Variants in LRP6 observed in about 807,000 individuals in gnomAD.
LRP6 encodes LDL receptor related protein 6, also known as low-density lipoprotein receptor-related protein 6.
Under a neutral mutation model 184.1 loss-of-function variants are expected in LRP6, and 43 were observed. The ratio of observed to expected loss-of-function variants is 0.23; its 90% CI spans 0.18 to 0.30. The LOEUF (loss-of-function observed/expected upper bound fraction) is 0.30, where lower values mean the gene tolerates loss of function less well. Among genes scored for constraint, LRP6 ranks in the 10% least tolerant of loss-of-function variants. LRP6 has a pLI of 1.00. For synonymous variants in LRP6, 719 were observed against 684.9 expected, an observed-to-expected ratio of 1.05 and a Z score of -0.78; for missense variants, 1,571 against 2,005.3, an observed-to-expected ratio of 0.78 and a Z score of 4.14.
chr12:12,202,650 C>T (rs937078472), intron 3 of LRP6, among the ~76,000 whole-genome samples: 3 of 152,152 alleles, frequency 2.0e-5, no homozygotes, highest in Non-Finnish European at 1.5e-5. Flanking sequence ...GTAGTTGAAC[C>T]GGAGATCATA....
chr12:12,248,101 C>T (rs996447104), intron 1 of LRP6, among the ~76,000 whole-genome samples: 3 of 152,162 alleles, frequency 2.0e-5, no homozygotes, highest in Non-Finnish European at 2.9e-5. Flanking sequence ...CACCCATCTT[C>T]CCTTACCTTG....
intron 2 of LRP6, 52 bp downstream of exon 2, chr12:12,244,210 A>T: frequency 6.3e-7 from 1 of 1,594,850 alleles, no homozygotes. Context: ...ATGTCAGTGG[A>T]GAAAAACCGA....
At chr12:12,215,810 G>A (rs1283128903) in intron 2 of LRP6, among the ~76,000 whole-genome samples, 2 of 151,470 alleles carry the variant, frequency 1.3e-5, no homozygotes, top group African/African-American at 2.4e-5. Flanking sequence ...TCAGGAGTTC[G>A]AGACCAGCCT....
intron 2 of LRP6, among the ~76,000 whole-genome samples, chr12:12,218,476 C>CGAT (rs931422065): frequency 1.4e-5 from 2 of 140,020 alleles, no homozygotes; most frequent in African/African-American, 5.4e-5. Flanking sequence ...GACCCTCTCT[C>CGAT]AATAATAATA....
chr12:12,229,403 T>G (rs997747218), intron 2 of LRP6, among the ~76,000 whole-genome samples: 8 of 146,014 alleles, frequency 5.5e-5, no homozygotes, highest in East Asian at 2.0e-4. Context: ...AGAAGAAGAA[T>G]ATCTCACACT....
chr12:12,233,184 TTGTC>T (rs1173707077), intron 2 of LRP6, among the ~76,000 whole-genome samples: 1 of 151,902 alleles, frequency 6.6e-6, no homozygotes, highest in South Asian at 2.1e-4. Context: ...GAAAAAAAAA[TTGTC>T]TGGGCGCGGT....
chr12:12,206,484 A>C lies in LRP6; in HGVS notation c.450-3084T>G, dbSNP rs1357909260. Among the ~76,000 whole-genome samples the C allele has an allele frequency of 8.0e-5, 12 of 150,744 alleles. No homozygotes were observed. In the Admixed American group the frequency reaches 8.0e-4, roughly 10 times the overall value. On this transcript the variant is annotated intron_variant, in intron 2 of 22. Coordinates refer to ENST00000261349, the MANE Select transcript of LRP6 (RefSeq NM_002336.3). ...CGTGAACCCGGGACGCGGAGCTTGC[A>C]GTGAGCGGAGATAGCGCCACTGCAT...
At chr12:12,258,303 T>C (rs568342453) in intron 1 of LRP6, among the ~76,000 whole-genome samples, 1 of 152,282 alleles carries the variant, frequency 6.6e-6, no homozygotes, top group South Asian at 2.1e-4. Flanking sequence ...TTTTTATAGA[T>C]GTTTCCCAGG....
intron 2 of LRP6, among the ~76,000 whole-genome samples, chr12:12,206,517 T>G (rs1045737160): frequency 7.1e-6 from 1 of 141,470 alleles, no homozygotes; most frequent in Non-Finnish European, 1.5e-5. Flanking sequence ...CATTCCAGCC[T>G]GGGCAACAGA....
chr12:12,251,730 A>C (rs12297598), intron 1 of LRP6, among the ~76,000 whole-genome samples: 19,997 of 152,058 alleles, frequency 0.13, 1,724 homozygotes, highest in African/African-American at 0.24. Context: ...AATAATCTCC[A>C]CAGAAGGCAA....
intron 18 of LRP6, among the ~76,000 whole-genome samples, chr12:12,131,344 G>C (rs529433138): frequency 6.6e-6 from 1 of 151,762 alleles, no homozygotes; most frequent in Non-Finnish European, 1.5e-5. Flanking sequence ...TCCTGACCTC[G>C]TGATCCGCCC....
intron 17 of LRP6, among the ~76,000 whole-genome samples, chr12:12,133,261 C>T (rs938885056): frequency 1.3e-5 from 2 of 152,176 alleles, no homozygotes; most frequent in Admixed American, 1.3e-4. Context: ...ATTTGTCCCT[C>T]CAAATCTCAT....
At chr12:12,163,459 A>C (rs184029402) in intron 9 of LRP6, among the ~76,000 whole-genome samples, 384 of 152,286 alleles carry the variant, frequency 2.5e-3, no homozygotes, top group Non-Finnish European at 4.3e-3. Flanking sequence ...CAAGCCCAAA[A>C]CAATCTGGAA....
chr12:12,186,332 C>T (rs893033280), intron 4 of LRP6, among the ~76,000 whole-genome samples: 7 of 152,222 alleles, frequency 4.6e-5, no homozygotes, highest in African/African-American at 1.7e-4. Context: ...TCTGTAGTGA[C>T]AGGCTACAAA....
At chr12:12,199,928 GC>G (rs1469289655) in intron 3 of LRP6, among the ~76,000 whole-genome samples, 1 of 115,846 alleles carries the variant, frequency 8.6e-6, no homozygotes, top group Non-Finnish European at 1.6e-5. Flanking sequence ...TCATGCCACT[GC>G]ACTCCCACTT....
chr12:12,123,895 G>C (rs912970700), intron 22 of LRP6, among the ~76,000 whole-genome samples: 39 of 152,140 alleles, frequency 2.6e-4, no homozygotes, highest in African/African-American at 9.4e-4. Context: ...TCTGTGCTCT[G>C]AGTATGTTGC....
At chr12:12,122,460 GGTAATATATCCCA>G (rs1479339053) in intron 22 of LRP6, among the ~76,000 whole-genome samples, 14 of 152,200 alleles carry the variant, frequency 9.2e-5, no homozygotes, top group Middle Eastern at 3.4e-3. Flanking sequence ...AGCACCACCA[GGTAATATATCCCA>G]GGAACCCAGG....
intron 5 of LRP6, among the ~76,000 whole-genome samples, chr12:12,183,722 T>C (rs997244233): frequency 3.3e-5 from 5 of 152,206 alleles, no homozygotes; most frequent in Admixed American, 2.0e-4. Flanking sequence ...TCAATGACTA[T>C]GAGATTTGAC....
intron 20 of LRP6, 101 bp from the exon 21 acceptor site, chr12:12,125,533 T>TA (rs1949661573): frequency 9.6e-7 from 1 of 1,039,990 alleles, no homozygotes; most frequent in African/African-American, 1.6e-5. Context: ...AACAGTGAAG[T>TA]AGTCTGATTT....
Sources: gnomAD v4.1 joint callset for allele counts (sites outside exome capture counted in the v4.1 genomes callset) on GRCh38, gnomAD v4.1.1 for gene constraint, MANE v1.5 for transcripts, NCBI Gene and HGNC (gene_info 2026-07-23, HGNC 2026-07-21) for gene names.